Variants in ZFHX4 observed in about 807,000 individuals in gnomAD.
ZFHX4 encodes the protein zinc finger homeobox 4.
In ZFHX4, 56 loss-of-function variants were observed where a neutral mutation model predicts 267.6. The ratio of observed to expected loss-of-function variants is 0.21; its 90% CI spans 0.17 to 0.26. The LOEUF (loss-of-function observed/expected upper bound fraction) is 0.26, where lower values mean the gene tolerates loss of function less well. Ranked by LOEUF, ZFHX4 falls within the 10% of genes least tolerant of loss-of-function variation. The probability of loss-of-function intolerance (pLI) is 1.00; values close to 1 mark genes in which losing one functional copy is unlikely to be tolerated. For missense variants in ZFHX4, 4,332 were observed against 4,420.0 expected (o/e 0.98, Z 0.56); for synonymous variants, 1,778 against 1,665.6 (o/e 1.07, Z -1.64).
chr8:76,814,405 G>C (rs7013022), intron 4 of ZFHX4, among the ~76,000 whole-genome samples: 3,876 of 152,104 alleles, frequency 0.025, 157 homozygotes, highest in African/African-American at 0.084. Flanking sequence ...CCACAAAATA[G>C]CTTATCTAGG....
At chr8:76,691,496 C>T (rs1194983503) in intron 1 of ZFHX4, among the ~76,000 whole-genome samples, 1 of 152,004 alleles carries the variant, frequency 6.6e-6, no homozygotes, top group African/African-American at 2.4e-5. Context: ...CTAGTTAAGA[C>T]CAGACATTTT....
At chr8:76,725,987 C>G (rs1168994455) in intron 3 of ZFHX4, among the ~76,000 whole-genome samples, 1 of 152,124 alleles carries the variant, frequency 6.6e-6, no homozygotes, top group Non-Finnish European at 1.5e-5. Flanking sequence ...TACCAGGAGG[C>G]TGAAGGAGTG....
At chr8:76,736,098 T>G (rs2096634854) in intron 3 of ZFHX4, among the ~76,000 whole-genome samples, 1 of 152,058 alleles carries the variant, frequency 6.6e-6, no homozygotes, top group Admixed American at 6.6e-5. Flanking sequence ...AAAATCTTTA[T>G]CCTTCTGTCT....
chr8:76,803,137 C>T (rs534732926), intron 4 of ZFHX4, among the ~76,000 whole-genome samples: 7 of 152,164 alleles, frequency 4.6e-5, no homozygotes, highest in African/African-American at 7.2e-5. Context: ...ACAGGAAAGA[C>T]GCAAATTTAC....
chr8:76,848,505 GT>G, intron 6 of ZFHX4, among the ~76,000 whole-genome samples: 1 of 152,146 alleles, frequency 6.6e-6, no homozygotes, highest in East Asian at 1.9e-4. Context: ...AATCCTTTCC[GT>G]TTTTAAATCC....
At position 76,863,284 on chromosome 8, in the gene ZFHX4, G is replaced by C; in HGVS notation, c.9570G>C (p.Glu3190Asp). 1.2e-6 allele frequency: 2 copies of C among 1,612,406 alleles called. No homozygotes were observed. The highest frequency in any genetic ancestry group is 1.7e-6 in the Non-Finnish European group (2 of 1,179,300). ...QQTEQQNKES[E>D]KKQTKPNKVK... Reference sequence around the variant, plus strand: ...CCGAGCAACAGAACAAAGAATCTGAGAAAAAGCAAACTAAGCCAAACAAGG... The same window carrying C: ...CCGAGCAACAGAACAAAGAATCTGACAAAAAGCAAACTAAGCCAAACAAGG... Residue 3190 changes from glutamate to aspartate, a missense_variant, in exon 11 of 11, where the codon GAG becomes GAC. Glu to Asp is a conservative substitution (Grantham distance 45). Coordinates refer to ENST00000651372, the MANE Select transcript of ZFHX4 (RefSeq NM_024721.5).
chr8:76,767,362 A>C (rs1354142118), intron 3 of ZFHX4, among the ~76,000 whole-genome samples: 2 of 152,128 alleles, frequency 1.3e-5, no homozygotes, highest in Non-Finnish European at 2.9e-5. Context: ...CAGATTATTT[A>C]GGTGAGCTCT....
chr8:76,811,570 G>A (rs575483298), intron 4 of ZFHX4, among the ~76,000 whole-genome samples: 1 of 152,234 alleles, frequency 6.6e-6, no homozygotes, highest in African/African-American at 2.4e-5. Context: ...GATGTTATGT[G>A]TTTGGAGACC....
At chr8:76,777,747 A>G (rs1049693793) in intron 3 of ZFHX4, among the ~76,000 whole-genome samples, 1 of 152,152 alleles carries the variant, frequency 6.6e-6, no homozygotes, top group Non-Finnish European at 1.5e-5. Context: ...TGTGGATTTC[A>G]GCTTATGGTT....
Position 76,864,370 on chromosome 8 carries a change from A to G in ZFHX4, c.10656A>G (p.Ser3552=). ...CTCCTCCTTCCCTTTCCTTGCCTTC[A>G]ACGGTTACCTCAAGTTTGTGCAGCA... The part of the protein sequence containing the change: ...PSSPPSLSLP[S]TVTSSLCSTS... The change falls in exon 11 of 11, where the codon TCA becomes TCG. Residue 3552 remains serine (S), a synonymous_variant. Coordinates refer to ENST00000651372, the MANE Select transcript of ZFHX4 (RefSeq NM_024721.5). 6.2e-7 allele frequency: 1 copy of G among 1,613,700 alleles called. No homozygotes were observed. Among genetic ancestry groups the G allele is most frequent in the Non-Finnish European group, 8.5e-7 (1 of 1,179,838 alleles).
At position 76,854,261 on chromosome 8, in the gene ZFHX4, A is replaced by G; in HGVS notation, c.7340A>G (p.Gln2447Arg). The G allele has an allele frequency of 6.3e-7, 1 of 1,579,330 alleles. No homozygotes were observed. Among genetic ancestry groups the G allele is most frequent in the Admixed American group, 1.9e-5 (1 of 53,070 alleles). The change falls in exon 10 of 11, where the codon CAG (glutamine) becomes CGG (arginine). Residue 2447 changes from glutamine (Q) to arginine (R), a missense_variant. Around this residue, in one of 7 missense-constraint regions of ZFHX4, gnomAD observed 1,648 missense variants for 1,625.0 expected, o/e 1.01. Coordinates refer to ENST00000651372, the MANE Select transcript of ZFHX4 (RefSeq NM_024721.5). ...CCACAGGCATCCACAGCCCAGCCAC[A>G]GCCACAGCCACAGCCACCAAAACAA... Reference protein sequence around the residue: ...DPPQASTAQPQPQPQPPKQPQ... With the variant: ...DPPQASTAQPRPQPQPPKQPQ...
chr8:76,782,078 G>A (rs1041300402), intron 4 of ZFHX4: 11 of 382,578 alleles, frequency 2.9e-5, no homozygotes, highest in South Asian at 1.4e-4. Flanking sequence ...AGCCAAAGCT[G>A]GATATGATGC....
chr8:76,770,127 T>G (rs1810222935), intron 3 of ZFHX4, among the ~76,000 whole-genome samples: 1 of 152,172 alleles, frequency 6.6e-6, no homozygotes, highest in African/African-American at 2.4e-5. Flanking sequence ...GTGACACAGG[T>G]TCTGTTAAAA....
chr8:76,845,336 T>C (rs1812338213), intron 6 of ZFHX4, among the ~76,000 whole-genome samples: 1 of 152,118 alleles, frequency 6.6e-6, no homozygotes, highest in Non-Finnish European at 1.5e-5. Context: ...CAAGAATTAA[T>C]ACAGAGTTTA....
intron 4 of ZFHX4, among the ~76,000 whole-genome samples, chr8:76,825,596 C>A (rs1811763462): frequency 6.6e-6 from 1 of 152,204 alleles, no homozygotes; most frequent in African/African-American, 2.4e-5. Flanking sequence ...AAGAATAAAT[C>A]TCAGATAGTT....
In ZFHX4 at chr8:76,817,460, C is replaced by T. The variant is rs1811536374; in HGVS notation, c.3326-15878C>T. On this transcript the variant is annotated intron_variant, in intron 4 of 10. Transcript: ENST00000651372. ...CCCTCTCAGCCAGATCTTCCTTGAC[C>T]ATGGTTCTCAAGGGAAGCGTGGGGA... 2.6e-5 allele frequency among the ~76,000 whole-genome samples: 4 copies of T among 152,092 alleles called. No individual in the cohort carries two copies. In the South Asian group the frequency reaches 8.3e-4, roughly 31 times the overall value.
intron 3 of ZFHX4, among the ~76,000 whole-genome samples, chr8:76,741,400 A>G (rs753418836): frequency 6.6e-6 from 1 of 152,144 alleles, no homozygotes; most frequent in Non-Finnish European, 1.5e-5. Flanking sequence ...TTCAGCTGGA[A>G]ACTTATCCTT....
intron 4 of ZFHX4, among the ~76,000 whole-genome samples, chr8:76,805,787 A>G (rs984634776): frequency 1.3e-5 from 2 of 152,046 alleles, no homozygotes; most frequent in Non-Finnish European, 2.9e-5. Flanking sequence ...ATTTGTGTCC[A>G]TCTTAGCCAT....
chr8:76,830,570 A>C (rs1175171895), intron 4 of ZFHX4, among the ~76,000 whole-genome samples: 1 of 152,190 alleles, frequency 6.6e-6, no homozygotes, highest in Non-Finnish European at 1.5e-5. Flanking sequence ...GTAAGTCAAA[A>C]GCTCCTTTAT....
Sources: allele counts gnomAD v4.1 joint callset (sites outside exome capture counted in the v4.1 genomes callset), GRCh38; gene constraint gnomAD v4.1.1; regional missense constraint gnomAD v4.1.1; transcripts MANE v1.5; gene names NCBI Gene and HGNC (gene_info 2026-07-23, HGNC 2026-07-21).